The following ABCA6 variants were observed in gnomAD, a reference collection of about 807,000 sequenced individuals.
ABCA6 encodes ATP binding cassette subfamily A member 6, also known as ATP-binding cassette sub-family A member 6.
Under a neutral mutation model 191.2 loss-of-function variants are expected in ABCA6, and 164 were observed. The observed-to-expected ratio is 0.86, with a 90% CI of 0.76 to 0.98. ABCA6 has a LOEUF of 0.98. ABCA6 is among the 50% of genes least tolerant of loss of function. The pLI is 0.00. For missense variants in ABCA6, 1,958 were observed against 1,894.1 expected, an observed-to-expected ratio of 1.03 and a Z score of -0.63; for synonymous variants, 636 against 647.7, an observed-to-expected ratio of 0.98 and a Z score of 0.27.
intron 8 of ABCA6, among the ~76,000 whole-genome samples, chr17:69,126,210 G>A (rs2073751048): frequency 6.6e-6 from 1 of 152,112 alleles, no homozygotes; most frequent in African/African-American, 2.4e-5. Flanking sequence ...GAACGCCAAT[G>A]TACAGAAATC....
At chr17:69,081,936 C>T (rs755004557) in intron 36 of ABCA6, among the ~76,000 whole-genome samples, 34 of 152,278 alleles carry the variant, frequency 2.2e-4, no homozygotes, top group Middle Eastern at 6.8e-3. Context: ...ATCTTGCTTC[C>T]GTGTGCTACT....
intron 22 of ABCA6, among the ~76,000 whole-genome samples, chr17:69,099,901 C>A (rs999557634): frequency 1.3e-5 from 2 of 151,722 alleles, no homozygotes. Context: ...CAAAACTGAG[C>A]TTCACACTTT....
Position 69,079,240 on chromosome 17 carries a change from T to G in ABCA6, c.4722A>C (p.Glu1574Asp). The change falls in exon 38 of 39, where the codon GAA becomes GAC. Residue 1574 changes from glutamate to aspartate, a missense_variant. Coordinates refer to ENST00000284425, the MANE Select transcript of ABCA6 (RefSeq NM_080284.3). Reference sequence around the variant, plus strand: ...CCAGTGTGCACTGAGAAAGGCTGTATTCTTCCAGGTTAAAGTTATGCTTCA... The same window carrying G: ...CCAGTGTGCACTGAGAAAGGCTGTAGTCTTCCAGGTTAAAGTTATGCTTCA... ...EAVKHNFNLEEYSLSQCTLEK... is the reference protein window; with the variant it reads ...EAVKHNFNLEDYSLSQCTLEK... 1.2e-6 allele frequency: 2 copies of G among 1,607,834 alleles called. No homozygotes were observed. Among genetic ancestry groups the G allele is most frequent in the South Asian group, 2.2e-5 (2 of 89,342 alleles).
In ABCA6 at chr17:69,114,816, G is replaced by A. The variant is rs2073505209; in HGVS notation, c.1728C>T (p.Asn576=). ...CTTTTATTTTAGCAAACAGGCTGAG[G>A]TTTTCCTTCACGGTGAGTATGTCAA... The part of the protein sequence containing the change: ...VQFDILTVKE[N]LSLFAKIKGI... Residue 576 remains asparagine, a synonymous_variant, in exon 13 of 39, where the codon AAC becomes AAT. Transcript: ENST00000284425. The A allele has an allele frequency of 6.2e-7, 1 of 1,612,578 alleles. No homozygotes were observed. Among genetic ancestry groups the A allele is most frequent in the African/African-American group, 1.3e-5 (1 of 74,866 alleles).
chr17:69,087,399 T>G lies in ABCA6; in HGVS notation c.3773A>C (p.Glu1258Ala). 6.2e-7 allele frequency: 1 copy of G among 1,614,024 alleles called. No individual in the cohort carries two copies. The highest frequency in any genetic ancestry group is 8.5e-7 in the Non-Finnish European group (1 of 1,179,890). ...CAGAGCAGTGGCTGTTCTTATTCTT[T>G]CTGTTTGAATATCTTCATCTTCATC... ...PIDEDEDIQT[E>A]RIRTATALTT... Residue 1258 changes from glutamate (E) to alanine (A), a missense_variant, in exon 29 of 39, where the codon GAA (glutamate) becomes GCA (alanine). Coordinates refer to ENST00000284425, the MANE Select transcript of ABCA6 (RefSeq NM_080284.3).
chr17:69,093,924 T>C (rs1369881999), intron 25 of ABCA6, among the ~76,000 whole-genome samples: 1 of 152,186 alleles, frequency 6.6e-6, no homozygotes, highest in Non-Finnish European at 1.5e-5. Context: ...TGCGGTGTAA[T>C]TTTGTTTTTA....
chr17:69,115,924 T>C (rs1367033245), intron 11 of ABCA6: 1 of 152,070 alleles, frequency 6.6e-6, no homozygotes, highest in Admixed American at 6.6e-5. Flanking sequence ...AGTGGAGCAA[T>C]CACAGCTCAC....
At chr17:69,100,542 A>G (rs1035850540) in intron 22 of ABCA6, among the ~76,000 whole-genome samples, 2 of 152,186 alleles carry the variant, frequency 1.3e-5, no homozygotes, top group Non-Finnish European at 2.9e-5. Context: ...TCCACAATCA[A>G]GTATGTACAA....
chr17:69,134,692 A>G lies in ABCA6; in HGVS notation c.511T>C (p.Trp171Arg). 3 of 1,613,846 alleles carry G rather than the reference A, an allele frequency of 1.9e-6. No homozygotes were observed. The highest frequency in any genetic ancestry group is 2.5e-6 in the Non-Finnish European group (3 of 1,179,908). ...GEFSCTLTKY[W>R]NRGFVALQTA... is the part of the protein sequence containing the mutation. ...TGTAAAGCCACAAATCCTCTATTCCAGTATTTGGTCAATGTACATGAAAAC... is the reference window on the plus strand; with the variant it reads ...TGTAAAGCCACAAATCCTCTATTCCGGTATTTGGTCAATGTACATGAAAAC... Residue 171 changes from tryptophan to arginine, a missense_variant, in exon 5 of 39, where the codon TGG becomes CGG. By Grantham distance (101) the Trp-to-Arg change is moderately radical (BLOSUM62 -3). Transcript: ENST00000284425.
chr17:69,096,858 T>C, intron 23 of ABCA6, 57 bp from the exon 24 acceptor site: 1 of 1,370,972 alleles, frequency 7.3e-7, no homozygotes, highest in Non-Finnish European at 9.7e-7. Flanking sequence ...AAAATGCAAA[T>C]CTAAAATAAA....
chr17:69,084,611 G>T (rs943331029), intron 32 of ABCA6, 104 bp from the exon 33 acceptor site: 1 of 1,003,540 alleles, frequency 1.0e-6, no homozygotes. Flanking sequence ...TAATATTATT[G>T]TCAAAATCCT....
chr17:69,096,136 T>A (rs558817783), intron 25 of ABCA6, 104 bp downstream of exon 25: 3 of 445,924 alleles, frequency 6.7e-6, no homozygotes, highest in Admixed American at 4.4e-5. Flanking sequence ...AATTTTGAAG[T>A]ATTAATTTTC....
At chr17:69,122,196 C>T (rs1598047676) in intron 10 of ABCA6, among the ~76,000 whole-genome samples, 1 of 152,000 alleles carries the variant, frequency 6.6e-6, no homozygotes, top group East Asian at 1.9e-4. Context: ...TTTTTGTATT[C>T]TCAAAATGGG....
intron 10 of ABCA6, among the ~76,000 whole-genome samples, chr17:69,122,543 T>A (rs980145991): frequency 6.6e-6 from 1 of 152,118 alleles, no homozygotes; most frequent in Non-Finnish European, 1.5e-5. Flanking sequence ...CTCATAAAAT[T>A]TACTCATTTT....
chr17:69,115,323 G>T, intron 12 of ABCA6, 53 bp downstream of exon 12: 2 of 1,324,678 alleles, frequency 1.5e-6, no homozygotes, highest in South Asian at 1.4e-5. Flanking sequence ...GCATATGCTT[G>T]ACCTCATTCT....
Position 69,105,460 on chromosome 17 carries a change from A to G in ABCA6, c.2740+2T>C. ...GGATTTAAATTTTATTTTTCTTTTC[A>G]CCTGTGTTATTGATGATCAACAGGC... is the stretch of plus-strand genomic sequence containing the variant. On this transcript the variant is annotated splice_donor_variant, in intron 20 of 38. Coordinates refer to ENST00000284425, the MANE Select transcript of ABCA6 (RefSeq NM_080284.3). LOFTEE classifies it high-confidence loss of function. 6.2e-7 allele frequency: 1 copy of G among 1,600,860 alleles called. No homozygotes were observed. The highest frequency in any genetic ancestry group is 8.5e-7 in the Non-Finnish European group (1 of 1,176,738).
Position 69,099,026 on chromosome 17 carries a change from C to T in ABCA6, c.3013-999G>A, listed in dbSNP as rs959515854. ...ACATATAATTCAGGCCTGAGTAGCA[C>T]GTCTTTCTGAGCAAACCCAGAGATG... On this transcript the variant is annotated intron_variant, in intron 22 of 38. Coordinates refer to ENST00000284425, the MANE Select transcript of ABCA6 (RefSeq NM_080284.3). Among the ~76,000 whole-genome samples, 8 of 151,706 alleles carry T rather than the reference C, an allele frequency of 5.3e-5. 1 individual carries two copies. In the South Asian group the frequency reaches 6.3e-4, roughly 12 times the overall value.
Position 69,105,610 on chromosome 17 carries a change from G to A in ABCA6, c.2592C>T (p.Ile864=), listed in dbSNP as rs373237678. 34 of 1,498,606 alleles carry A rather than the reference G, an allele frequency of 2.3e-5. No individual in the cohort carries two copies. The highest frequency in any genetic ancestry group is 2.9e-5 in the Non-Finnish European group (32 of 1,088,160). The allele number at this position is 1,498,606 out of a possible 1,614,324, so 92.8% of individuals were successfully genotyped here. The change falls in exon 20 of 39, where the codon ATC becomes ATT. Residue 864 remains isoleucine (I), a synonymous_variant. Transcript: ENST00000284425. ...VLLTLLLVFG[I]AIFPLIVENI... is the part of the protein sequence containing the mutation. ...TTTCAACAATCAAAGGGAATATTGCGATTCCAAATACCAATAATCTAAACA... is the reference window on the plus strand; with the variant it reads ...TTTCAACAATCAAAGGGAATATTGCAATTCCAAATACCAATAATCTAAACA...
At chr17:69,080,533 T>C (rs1292976954) in intron 37 of ABCA6, among the ~76,000 whole-genome samples, 1 of 152,146 alleles carries the variant, frequency 6.6e-6, no homozygotes, top group Non-Finnish European at 1.5e-5. Context: ...TTACACACAA[T>C]GCAGGGGACG....
Sources: allele counts gnomAD v4.1 joint callset (sites outside exome capture counted in the v4.1 genomes callset), GRCh38; gene constraint gnomAD v4.1.1; transcripts MANE v1.5; gene names NCBI Gene and HGNC (gene_info 2026-07-23, HGNC 2026-07-21).